Variants in GABRR3 observed in about 807,000 individuals in gnomAD.
GABRR3 encodes gamma-aminobutyric acid type A receptor subunit rho3.
Under a neutral mutation model 43.2 loss-of-function variants are expected in GABRR3, and 29 were observed. The observed-to-expected ratio is 0.67, with a 90% CI of 0.50 to 0.92. The LOEUF (loss-of-function observed/expected upper bound fraction) is 0.92. GABRR3 is among the 40% of genes least tolerant of loss of function. The pLI is 0.00. For missense variants in GABRR3, 576 were observed against 572.3 expected (o/e 1.01, Z -0.07); for synonymous variants, 206 against 195.9 (o/e 1.05, Z -0.43).
intron 7 of GABRR3, among the ~76,000 whole-genome samples, chr3:98,004,083 G>A (rs1196012454): frequency 6.6e-6 from 1 of 152,114 alleles, no homozygotes; most frequent in Non-Finnish European, 1.5e-5. Flanking sequence ...GGAGGACTGG[G>A]CCAGTATTTG....
intron 5 of GABRR3, among the ~76,000 whole-genome samples, chr3:98,010,433 A>G (rs1706775298): frequency 1.3e-5 from 2 of 152,160 alleles, no homozygotes; most frequent in African/African-American, 4.8e-5. Context: ...GACCACCCAC[A>G]TGGCTGACCT....
At chr3:98,023,337 G>T (rs981514627) in intron 3 of GABRR3, among the ~76,000 whole-genome samples, 3 of 152,116 alleles carry the variant, frequency 2.0e-5, no homozygotes, top group Admixed American at 6.5e-5. Context: ...ATTAGGGCAG[G>T]TTTTTGAATT....
intron 9 of GABRR3, among the ~76,000 whole-genome samples, chr3:97,992,272 G>A (rs1048834954): frequency 2.6e-5 from 4 of 152,072 alleles, no homozygotes; most frequent in African/African-American, 7.2e-5. Context: ...GCTGGCTCTC[G>A]ATGGAGAGAA....
At chr3:98,013,289 G>T (rs770768477) in intron 4 of GABRR3, among the ~76,000 whole-genome samples, 5 of 152,086 alleles carry the variant, frequency 3.3e-5, no homozygotes, top group Non-Finnish European at 7.4e-5. Flanking sequence ...TTCTTACATT[G>T]TAAGAATGTA....
intron 8 of GABRR3, among the ~76,000 whole-genome samples, chr3:97,993,514 T>A (rs1227258908): frequency 6.6e-6 from 1 of 152,208 alleles, no homozygotes; most frequent in African/African-American, 2.4e-5. Flanking sequence ...TCTTGAAAGA[T>A]CTTTAGTAGC....
downstream of GABRR3, among the ~76,000 whole-genome samples, chr3:97,985,127 T>C (rs1706367998): frequency 6.6e-6 from 1 of 152,220 alleles, no homozygotes; most frequent in African/African-American, 2.4e-5. Context: ...TTTATTTCTC[T>C]TAATTCAATC....
intron 5 of GABRR3, among the ~76,000 whole-genome samples, chr3:98,010,142 A>G (rs989776605): frequency 6.6e-6 from 1 of 152,192 alleles, no homozygotes; most frequent in East Asian, 1.9e-4. Context: ...ATTCACTAGA[A>G]TGACTCGCAG....
intron 8 of GABRR3, among the ~76,000 whole-genome samples, chr3:97,994,316 T>C (rs1263406326): frequency 6.6e-6 from 1 of 152,254 alleles, no homozygotes; most frequent in Non-Finnish European, 1.5e-5. Flanking sequence ...CCATTCTATT[T>C]CAAATAAAGT....
At chr3:98,021,799 T>C (rs1312807170) in intron 3 of GABRR3, among the ~76,000 whole-genome samples, 6 of 152,346 alleles carry the variant, frequency 3.9e-5, no homozygotes, top group Non-Finnish European at 7.3e-5. Flanking sequence ...TAGCATCTAT[T>C]TGGTTTTTAT....
downstream of GABRR3, among the ~76,000 whole-genome samples, chr3:97,985,358 G>A (rs1364197783): frequency 2.6e-5 from 4 of 152,096 alleles, no homozygotes; most frequent in East Asian, 7.7e-4. Flanking sequence ...GATTACTATG[G>A]GATAAATACA....
chr3:98,020,160 C>T (rs1706922618), intron 3 of GABRR3, among the ~76,000 whole-genome samples: 1 of 152,070 alleles, frequency 6.6e-6, no homozygotes. Context: ...GAAGTTCTAG[C>T]ATGAAAGTCA....
At chr3:98,027,436 T>C (rs1707033384) in intron 2 of GABRR3, among the ~76,000 whole-genome samples, 1 of 152,258 alleles carries the variant, frequency 6.6e-6, no homozygotes, top group African/African-American at 2.4e-5. Flanking sequence ...TAAACCTCTT[T>C]GGTAATAATC....
chr3:98,012,466 G>C, exon 5 of GABRR3: 2 of 1,613,890 alleles, frequency 1.2e-6, no homozygotes, highest in Non-Finnish European at 1.7e-6. Flanking sequence ...AGATCTTTCT[G>C]GTCAATCTAT....
chr3:98,018,069 T>C (rs1706895132), intron 3 of GABRR3, among the ~76,000 whole-genome samples: 1 of 152,008 alleles, frequency 6.6e-6, no homozygotes, highest in Non-Finnish European at 1.5e-5. Flanking sequence ...GAAAAGTGTT[T>C]TGAAAACATG....
intron 7 of GABRR3, among the ~76,000 whole-genome samples, chr3:98,007,545 T>A (rs1576041845): frequency 6.6e-6 from 1 of 152,048 alleles, no homozygotes; most frequent in East Asian, 1.9e-4. Flanking sequence ...ACTGGAGAAG[T>A]CAAGAATGGA....
chr3:97,986,011 C>T (rs1007329658), downstream of GABRR3, among the ~76,000 whole-genome samples: 8 of 152,208 alleles, frequency 5.3e-5, no homozygotes, highest in Middle Eastern at 3.4e-3. Flanking sequence ...AGACTACAGG[C>T]GTGTGCCACC....
chr3:97,991,237 C>T (rs534210131), intron 9 of GABRR3, among the ~76,000 whole-genome samples: 20 of 152,342 alleles, frequency 1.3e-4, no homozygotes, highest in South Asian at 1.0e-3. Flanking sequence ...TCCCTCCTTA[C>T]ACATTTTTCC....
At chr3:97,988,348 G>A (rs61204514) in intron 9 of GABRR3, among the ~76,000 whole-genome samples, 5,336 of 152,194 alleles carry the variant, frequency 0.035, 284 homozygotes, top group African/African-American at 0.12. Flanking sequence ...AAAGTGCTGG[G>A]ATTACAGGCA....
Position 98,017,752 on chromosome 3 carries a change from A to C in GABRR3, c.239-30T>G, listed in dbSNP as rs763973417. On this transcript the variant is annotated intron_variant, in intron 3 of 9. Coordinates refer to ENST00000621172, the Ensembl canonical transcript of GABRR3. Reference sequence around the variant, plus strand: ...AGAAAGAAGAATGGTTAATATGCTGAGGAATGCATTATAATCATTTTAAAA... The same window carrying C: ...AGAAAGAAGAATGGTTAATATGCTGCGGAATGCATTATAATCATTTTAAAA... 7.7e-6 allele frequency: 11 copies of C among 1,435,826 alleles called. No homozygotes were observed. In the Admixed American group the frequency reaches 1.9e-4, roughly 25 times the overall value. The allele number at this position is 1,435,826 out of a possible 1,614,324, so 88.9% of individuals were successfully genotyped here.
Sources: gnomAD v4.1 joint callset for allele counts (sites outside exome capture counted in the v4.1 genomes callset) on GRCh38, gnomAD v4.1.1 for gene constraint, MANE v1.5 for transcripts, NCBI Gene and HGNC (gene_info 2026-07-23, HGNC 2026-07-21) for gene names.